Variants in SEMA6D observed in about 807,000 individuals in gnomAD.
SEMA6D encodes the protein semaphorin-6D.
SEMA6D carries 35 observed loss-of-function variants against 106.6 expected under a neutral mutation model. The observed-to-expected ratio is 0.33, with a 90% CI of 0.25 to 0.44. The LOEUF (loss-of-function observed/expected upper bound fraction) is 0.44, where lower values mean the gene tolerates loss of function less well. Ranked by LOEUF, SEMA6D falls within the 20% of genes least tolerant of loss-of-function variation. SEMA6D has a pLI of 1.00. For missense variants in SEMA6D, 1,185 were observed against 1,345.9 expected (o/e 0.88, Z 1.87); for synonymous variants, 499 against 487.7 (o/e 1.02, Z -0.31).
At chr15:47,250,735 G>A (rs998557885) in intron 1 of SEMA6D, among the ~76,000 whole-genome samples, 1 of 152,208 alleles carries the variant, frequency 6.6e-6, no homozygotes, top group African/African-American at 2.4e-5. Flanking sequence ...AGCCACCCCA[G>A]ATTGAGAGCT....
chr15:47,494,910 A>G (rs2043604741), intron 3 of SEMA6D, among the ~76,000 whole-genome samples: 1 of 150,620 alleles, frequency 6.6e-6, no homozygotes, highest in Admixed American at 6.6e-5. Flanking sequence ...TTAATCACAA[A>G]CACAGTTAGT....
intron 1 of SEMA6D, among the ~76,000 whole-genome samples, chr15:47,306,787 G>C (rs1432711831): frequency 6.6e-6 from 1 of 152,110 alleles, no homozygotes; most frequent in Non-Finnish European, 1.5e-5. Flanking sequence ...ACCAAGTAGA[G>C]GTATCACTAA....
chr15:47,502,505 C>G (rs188593323), intron 3 of SEMA6D, among the ~76,000 whole-genome samples: 11 of 152,276 alleles, frequency 7.2e-5, no homozygotes, highest in African/African-American at 2.4e-4. Context: ...ATGTTACGCT[C>G]CCACCTCCGG....
chr15:47,200,940 G>A (rs566470362), intron 1 of SEMA6D, among the ~76,000 whole-genome samples: 6 of 152,274 alleles, frequency 3.9e-5, no homozygotes, highest in South Asian at 2.1e-4. Context: ...CCAGAGCTGC[G>A]TGGTTTCTTT....
At chr15:47,249,115 C>T (rs545381215) in intron 1 of SEMA6D, among the ~76,000 whole-genome samples, 1 of 152,260 alleles carries the variant, frequency 6.6e-6, no homozygotes, top group South Asian at 2.1e-4. Context: ...GTAATCCCAG[C>T]TACTCGGGTG....
intron 1 of SEMA6D, among the ~76,000 whole-genome samples, chr15:47,216,786 T>C (rs1186547314): frequency 3.3e-5 from 5 of 152,010 alleles, no homozygotes; most frequent in Admixed American, 6.6e-5. Flanking sequence ...CAAATATAAT[T>C]AAAGAGATGA....
intron 4 of SEMA6D, among the ~76,000 whole-genome samples, chr15:47,640,237 C>G (rs1382235016): frequency 1.3e-5 from 2 of 152,126 alleles, no homozygotes; most frequent in Admixed American, 6.5e-5. Context: ...AACCAACAGG[C>G]TTGAGCGAGG....
intron 4 of SEMA6D, among the ~76,000 whole-genome samples, chr15:47,675,961 G>T (rs552508916): frequency 6.8e-6 from 1 of 146,148 alleles, no homozygotes; most frequent in East Asian, 2.2e-4. Flanking sequence ...GGGGGGAGGG[G>T]GGAGAAGCCT....
chr15:47,517,081 A>G (rs984222490), intron 3 of SEMA6D, among the ~76,000 whole-genome samples: 1 of 152,124 alleles, frequency 6.6e-6, no homozygotes, highest in African/African-American at 2.4e-5. Context: ...AGGAAAAGTA[A>G]TACCTCGGAC....
At chr15:47,273,860 C>G (rs569649374) in intron 1 of SEMA6D, among the ~76,000 whole-genome samples, 6 of 152,216 alleles carry the variant, frequency 3.9e-5, no homozygotes, top group Admixed American at 3.9e-4. Flanking sequence ...TAATAATTGA[C>G]TGTCAGTGGA....
intron 2 of SEMA6D, among the ~76,000 whole-genome samples, chr15:47,429,711 A>G (rs983315321): frequency 3.9e-5 from 6 of 152,154 alleles, no homozygotes; most frequent in Admixed American, 2.0e-4. Context: ...TGTCCTGTCA[A>G]AGTCCACTGA....
At chr15:47,738,435 A>G (rs1349743120) in intron 1 of SEMA6D, among the ~76,000 whole-genome samples, 3 of 152,194 alleles carry the variant, frequency 2.0e-5, no homozygotes, top group Admixed American at 6.5e-5. Context: ...TGTCTTTGCT[A>G]TTGCAAATAG....
At chr15:47,705,877 A>G (rs1029120309) in intron 4 of SEMA6D, among the ~76,000 whole-genome samples, 3 of 152,250 alleles carry the variant, frequency 2.0e-5, no homozygotes, top group African/African-American at 4.8e-5. Flanking sequence ...TTCAGTGGAT[A>G]GCCACACTCC....
chr15:47,552,905 T>TATATATATATATATATAA lies in SEMA6D; in HGVS notation c.-86-47959_-86-47958insTATATATATATATATAAA, dbSNP rs1483274186. ...AAATATATATAAATATATATATATATAAATATATATATATTTGAGATGGAG... is the reference window on the plus strand; with the variant it reads ...AAATATATATAAATATATATATATATATATATATATATATATAAAAATATATATATATTTGAGATGGAG... On this transcript the variant is annotated intron_variant, in intron 3 of 19. Transcript: ENST00000558014. 1.1e-3 allele frequency among the ~76,000 whole-genome samples: 109 copies of TATATATATATATATATAA among 94,808 alleles called. 1 individual carries two copies. The highest frequency in any genetic ancestry group is 1.9e-3 in the East Asian group (7 of 3,762). 62.2% of individuals were successfully genotyped at this position (94,808 alleles called of 152,430 possible).
chr15:47,543,166 C>T (rs1332833319), intron 3 of SEMA6D, among the ~76,000 whole-genome samples: 4 of 152,050 alleles, frequency 2.6e-5, no homozygotes, highest in Non-Finnish European at 4.4e-5. Flanking sequence ...AAATGGTTTT[C>T]GAATAAAGTA....
rs55719976 is a variant in SEMA6D at position 47,348,727 on chromosome 15, CAGAGAGAGAGAGAGAG to C, written c.-238-63642_-238-63627del. Among the ~76,000 whole-genome samples the C allele has an allele frequency of 9.9e-3, 563 of 57,098 alleles. 7 individuals carry two copies. The highest frequency in any genetic ancestry group is 0.023 in the African/African-American group (455 of 20,220). 37.5% of individuals were successfully genotyped at this position (57,098 alleles called of 152,430 possible). A position where few individuals can be genotyped will look rare whatever the true frequency, so the allele number is the denominator to read the frequency against. On this transcript the variant is annotated intron_variant, in intron 1 of 19. Transcript: ENST00000558014. ...CACACACACACACACACCACACACACAGAGAGAGAGAGAGAGAGAGAGAGAGAGAGAGAGAGAGATT... is the reference window on the plus strand; with the variant it reads ...CACACACACACACACACCACACACACAGAGAGAGAGAGAGAGAGAGAGATT...
chr15:47,195,992 A>G (rs1894319958), intron 1 of SEMA6D, among the ~76,000 whole-genome samples: 1 of 150,970 alleles, frequency 6.6e-6, no homozygotes, highest in Non-Finnish European at 1.5e-5. Context: ...CAGGTGCTCC[A>G]CAGCAAGTTA....
At chr15:47,554,633 T>G (rs1435629716) in intron 3 of SEMA6D, among the ~76,000 whole-genome samples, 4 of 152,184 alleles carry the variant, frequency 2.6e-5, no homozygotes, top group African/African-American at 9.6e-5. Context: ...AAGCAAGACA[T>G]GGAGCTGTGA....
At chr15:47,226,084 T>G (rs2031645675) in intron 1 of SEMA6D, among the ~76,000 whole-genome samples, 1 of 152,032 alleles carries the variant, frequency 6.6e-6, no homozygotes, top group African/African-American at 2.4e-5. Context: ...CCTAATCCAG[T>G]AGAACCACAT....
Sources: gnomAD v4.1 joint callset for allele counts (sites outside exome capture counted in the v4.1 genomes callset) on GRCh38, gnomAD v4.1.1 for gene constraint, MANE v1.5 for transcripts, NCBI Gene and HGNC (gene_info 2026-07-23, HGNC 2026-07-21) for gene names.